FYCO1: variants seen among roughly 807,000 people sequenced by gnomAD.
FYCO1 encodes FYVE and coiled-coil domain-containing protein 1.
Under a neutral mutation model 165.1 loss-of-function variants are expected in FYCO1, and 122 were observed. That is an observed-to-expected ratio of 0.74 (90% CI 0.64 to 0.86). The LOEUF is 0.86. FYCO1 is among the 40% of genes least tolerant of loss of function. The pLI is 0.00. For synonymous variants in FYCO1, 648 were observed against 742.5 expected (o/e 0.87, Z 2.07); for missense variants, 1,702 against 1,810.3 (o/e 0.94, Z 1.09).
At chr3:45,935,963 T>C (rs1345224587) in intron 15 of FYCO1, among the ~76,000 whole-genome samples, 4 of 152,196 alleles carry the variant, frequency 2.6e-5, no homozygotes, top group Non-Finnish European at 5.9e-5. Flanking sequence ...ACTCATGCTA[T>C]AGGAAGTTTT....
rs765676809 is a variant in FYCO1 at position 45,958,573 on chromosome 3, G to A, written c.3634C>T (p.Leu1212=). The change falls in exon 13 of 18, where the codon CTG becomes TTG. Residue 1212 remains leucine (L), a synonymous_variant. Transcript: ENST00000296137. The part of the protein sequence containing the change: ...FCYYCCNNYV[L]SKHGGKKERC... ...TCCTTTTTGCCACCGTGCTTGCTCAGGACGTAGTTGTTGCAGCAGTAGTAA... is the reference window on the plus strand; with the variant it reads ...TCCTTTTTGCCACCGTGCTTGCTCAAGACGTAGTTGTTGCAGCAGTAGTAA... 1.9e-6 allele frequency: 3 copies of A among 1,614,116 alleles called. No individual in the cohort carries two copies. The highest frequency in any genetic ancestry group is 2.5e-6 in the Non-Finnish European group (3 of 1,180,056).
chr3:45,951,441 A>C (rs1025603265), intron 14 of FYCO1, among the ~76,000 whole-genome samples: 1 of 152,192 alleles, frequency 6.6e-6, no homozygotes, highest in Non-Finnish European at 1.5e-5. Context: ...CTGTCTGCTC[A>C]TCTGGTAGCT....
At position 45,943,094 on chromosome 3, in the gene FYCO1, G is replaced by A. The variant is rs1163522472; in HGVS notation, c.3945-6551C>T. ...ACATATGCTGGAGCTGCATATGCAC[G>A]CAGAACCCAGCCCATACCATGGACT... On this transcript the variant is annotated intron_variant, in intron 14 of 17. Transcript: ENST00000296137. Among the ~76,000 whole-genome samples the A allele has an allele frequency of 4.6e-5, 7 of 152,280 alleles. No individual in the cohort carries two copies. The South Asian group carries it at 6.2e-4, about 14-fold the overall frequency.
At position 45,973,241 on chromosome 3, in the gene FYCO1, A is replaced by T. The variant is rs778363799; in HGVS notation, c.396-10T>A. On this transcript the variant is annotated splice_polypyrimidine_tract_variant and intron_variant, in intron 5 of 17. Coordinates refer to ENST00000296137, the MANE Select transcript of FYCO1 (RefSeq NM_024513.4). ...TGCATAGTACCAGTCACTGCAGAAAAACATGTCAATTATAAGAGTAATAAA... is the reference window on the plus strand; with the variant it reads ...TGCATAGTACCAGTCACTGCAGAAATACATGTCAATTATAAGAGTAATAAA... 1 of 1,613,758 alleles carries T rather than the reference A, an allele frequency of 6.2e-7. No homozygotes were observed. Among genetic ancestry groups the T allele is most frequent in the South Asian group, 1.1e-5 (1 of 91,076 alleles).
intron 14 of FYCO1, chr3:45,946,936 G>A (rs1385942648): frequency 6.2e-7 from 1 of 1,614,216 alleles, no homozygotes. Context: ...AAGGTCACCA[G>A]CTTGCTCATC....
At chr3:45,937,714 G>C (rs982750520) in intron 14 of FYCO1, among the ~76,000 whole-genome samples, 2 of 152,226 alleles carry the variant, frequency 1.3e-5, no homozygotes, top group Non-Finnish European at 2.9e-5. Context: ...AAGAACGCAG[G>C]CTGCAGCACC....
rs1178670547 is a variant in FYCO1, at chr3:45,967,093, G to A, written c.2241C>T (p.Leu747=). 2 of 1,613,966 alleles carry A rather than the reference G, an allele frequency of 1.2e-6. No individual in the cohort carries two copies. The highest frequency in any genetic ancestry group is 1.1e-5 in the South Asian group (1 of 91,076). Residue 747 remains leucine (L), a synonymous_variant, in exon 8 of 18, where the codon CTC becomes CTT. Coordinates refer to ENST00000296137, the MANE Select transcript of FYCO1 (RefSeq NM_024513.4). The part of the protein sequence containing the change: ...CQQQTQLIEV[L]TAEKGQQGVG... ...CTCCCTGTTGGCCTTTCTCTGCTGT[G>A]AGGACCTCAATCAGCTGGGTCTGCT...
chr3:45,936,515 C>T lies in FYCO1; in HGVS notation c.3973G>A (p.Glu1325Lys). ...QDTTSTSLTP[E>K]DTEDMPVGQD... is the part of the protein sequence containing the mutation. ...CCCACGGGCATGTCTTCAGTGTCCT[C>T]AGGCGTTAGCGAGGTTGATGTAGTA... The change falls in exon 15 of 18, where the codon GAG (glutamate) becomes AAG (lysine). Residue 1325 changes from glutamate (E) to lysine (K), a missense_variant. Glu to Lys is a moderately conservative substitution (Grantham distance 56, BLOSUM62 1). Coordinates refer to ENST00000296137, the MANE Select transcript of FYCO1 (RefSeq NM_024513.4). The T allele has an allele frequency of 6.2e-7, 1 of 1,613,890 alleles. No homozygotes were observed.
At chr3:45,942,658 C>A (rs1017122164) in intron 14 of FYCO1, among the ~76,000 whole-genome samples, 11 of 152,212 alleles carry the variant, frequency 7.2e-5, no homozygotes, top group Non-Finnish European at 1.5e-4. Context: ...CCAATTCCTG[C>A]CTTCCAGCGT....
Position 45,964,826 on chromosome 3 carries a change from T to C in FYCO1, c.3150+207A>G, listed in dbSNP as rs1361475899. On this transcript the variant is annotated intron_variant, in intron 9 of 17. Coordinates refer to ENST00000296137, the MANE Select transcript of FYCO1 (RefSeq NM_024513.4). The surrounding 1 kb of genome is among the most constrained non-coding windows in gnomAD (Gnocchi z 4.1). ...CATAGAGATGGCCAAAGAGGACACT[T>C]ATTTCCTTTCTGCATTTGGCAGCTC... Among the ~76,000 whole-genome samples, 1 of 152,206 alleles carries C rather than the reference T, an allele frequency of 6.6e-6. No individual in the cohort carries two copies. Among genetic ancestry groups the C allele is most frequent in the Non-Finnish European group, 1.5e-5 (1 of 68,036 alleles).
chr3:45,989,494 G>A (rs950653655), intron 1 of FYCO1, among the ~76,000 whole-genome samples: 5 of 152,158 alleles, frequency 3.3e-5, no homozygotes, highest in Admixed American at 6.5e-5. Flanking sequence ...AGAGTGCTCC[G>A]GAGTTTGCCA....
chr3:45,985,350 C>T (rs1054696723), intron 1 of FYCO1, among the ~76,000 whole-genome samples: 1 of 152,180 alleles, frequency 6.6e-6, no homozygotes, highest in Non-Finnish European at 1.5e-5. Context: ...TGGCTCTCTC[C>T]ATCCCCTTAT....
chr3:45,971,293 G>A (rs775051383), intron 6 of FYCO1, among the ~76,000 whole-genome samples: 16 of 152,120 alleles, frequency 1.1e-4, no homozygotes, highest in Non-Finnish European at 2.1e-4. Context: ...AGAAATAATG[G>A]AGTTAGAAAA....
intron 8 of FYCO1, 56 bp from the exon 9 acceptor site, chr3:45,965,181 C>T (rs1184522324): frequency 1.5e-6 from 2 of 1,297,838 alleles, no homozygotes; most frequent in Non-Finnish European, 2.2e-6. Flanking sequence ...CTCTGAGGAT[C>T]CCTCAGCCCC....
At chr3:45,956,382 G>A (rs796219934) in intron 13 of FYCO1, among the ~76,000 whole-genome samples, 45 of 146,664 alleles carry the variant, frequency 3.1e-4, no homozygotes, top group South Asian at 1.3e-3. Context: ...ATAAATAAAT[G>A]AGTAGACAGG....
At chr3:45,985,495 G>A (rs1707266068) in intron 1 of FYCO1, among the ~76,000 whole-genome samples, 1 of 152,202 alleles carries the variant, frequency 6.6e-6, no homozygotes, top group Non-Finnish European at 1.5e-5. Flanking sequence ...TCTCTAGCCA[G>A]GCAGTGCTAG....
At chr3:45,929,877 T>C (rs571069736) in intron 16 of FYCO1, among the ~76,000 whole-genome samples, 1 of 152,180 alleles carries the variant, frequency 6.6e-6, no homozygotes, top group East Asian at 1.9e-4. Context: ...CCCAAACGGG[T>C]ACGTGTTCCT....
intron 14 of FYCO1, chr3:45,947,088 C>T: frequency 6.2e-7 from 1 of 1,614,248 alleles, no homozygotes; most frequent in Non-Finnish European, 8.5e-7. Context: ...GTTCTTCTTG[C>T]CACTGCTCAC....
chr3:45,946,697 C>A (rs767624403), intron 14 of FYCO1: 2 of 1,614,210 alleles, frequency 1.2e-6, no homozygotes, highest in Admixed American at 3.3e-5. Flanking sequence ...TCCTGGTGAA[C>A]CTACCCCTGG....
Sources: gnomAD v4.1 joint callset for allele counts (sites outside exome capture counted in the v4.1 genomes callset) on GRCh38, gnomAD v4.1.1 for gene constraint, Gnocchi (gnomAD v3.1) non-coding constraint, MANE v1.5 for transcripts, NCBI Gene and HGNC (gene_info 2026-07-23, HGNC 2026-07-21) for gene names.